ANK3: variants seen among roughly 807,000 people sequenced by gnomAD.
The protein encoded by ANK3 is ankyrin-3.
Under a neutral mutation model 370.9 loss-of-function variants are expected in ANK3, and 57 were observed. The ratio of observed to expected loss-of-function variants is 0.15; its 90% CI spans 0.12 to 0.19. ANK3 has a LOEUF of 0.19. Among genes scored for constraint, ANK3 ranks in the 10% least tolerant of loss-of-function variants. ANK3 has a pLI of 1.00. For missense variants in ANK3, 4,439 were observed against 5,302.1 expected (o/e 0.84, Z 5.06); for synonymous variants, 1,929 against 1,946.3 (o/e 0.99, Z 0.23).
At chr10:60,268,271 A>T (rs1208902631) in intron 5 of ANK3, among the ~76,000 whole-genome samples, 1 of 152,148 alleles carries the variant, frequency 6.6e-6, no homozygotes, top group Admixed American at 6.6e-5. Context: ...AAATTCCCCA[A>T]AGCACTGATG....
At chr10:60,198,581 C>G (rs1187110769) in intron 13 of ANK3, 44 bp from the exon 14 acceptor site, 1 of 1,565,576 alleles carries the variant, frequency 6.4e-7, no homozygotes, top group East Asian at 2.2e-5. Context: ...GCTGAGGAAA[C>G]AATGGTGCCT....
chr10:60,474,179 T>G (rs1196956249), intron 2 of ANK3, among the ~76,000 whole-genome samples: 4 of 152,052 alleles, frequency 2.6e-5, no homozygotes, highest in Admixed American at 1.3e-4. Flanking sequence ...CCAAAGAAAT[T>G]TCAAGCTTGC....
At chr10:60,064,435 G>C (rs1340770346) in intron 38 of ANK3, 147 bp from the exon 39 acceptor site, 1 of 787,826 alleles carries the variant, frequency 1.3e-6, no homozygotes, top group Non-Finnish European at 1.9e-6. Context: ...TTATATACTT[G>C]GCTTCATAGC....
At chr10:60,441,135 T>C (rs569815797) in intron 2 of ANK3, among the ~76,000 whole-genome samples, 6 of 152,324 alleles carry the variant, frequency 3.9e-5, no homozygotes, top group Non-Finnish European at 8.8e-5. Flanking sequence ...TTGCCAGTCA[T>C]GTCTGGGTGG....
intron 1 of ANK3, among the ~76,000 whole-genome samples, chr10:60,650,014 G>C (rs1435555966): frequency 1.3e-5 from 2 of 152,092 alleles, no homozygotes; most frequent in African/African-American, 4.8e-5. Flanking sequence ...GGTCCCTGAG[G>C]GTCTAGAATG....
chr10:60,273,521 C>G (rs1366850697), intron 4 of ANK3, among the ~76,000 whole-genome samples: 1 of 152,136 alleles, frequency 6.6e-6, no homozygotes, highest in Non-Finnish European at 1.5e-5. Context: ...CCCTAGTAAC[C>G]ACTAATGCAC....
intron 1 of ANK3, among the ~76,000 whole-genome samples, chr10:60,368,165 A>G (rs2059639421): frequency 1.3e-5 from 2 of 152,274 alleles, no homozygotes; most frequent in Admixed American, 1.3e-4. Context: ...AGAAGAGCAC[A>G]TTAACTAAAA....
At chr10:60,218,246 C>G (rs1251694220) in intron 8 of ANK3, among the ~76,000 whole-genome samples, 3 of 151,896 alleles carry the variant, frequency 2.0e-5, no homozygotes, top group African/African-American at 7.3e-5. Flanking sequence ...ATTTGCCAGT[C>G]TATGTCTTTT....
intron 8 of ANK3, among the ~76,000 whole-genome samples, chr10:60,217,810 G>A (rs1462800397): frequency 1.3e-5 from 2 of 152,120 alleles, no homozygotes; most frequent in African/African-American, 4.8e-5. Flanking sequence ...GACTATCCTT[G>A]TTAATTTTCT....
At chr10:60,454,008 A>G (rs1461564109) in intron 2 of ANK3, among the ~76,000 whole-genome samples, 3 of 152,226 alleles carry the variant, frequency 2.0e-5, no homozygotes, top group Non-Finnish European at 2.9e-5. Context: ...CAATGAATCA[A>G]ACAGCTGGCA....
In ANK3 at chr10:60,564,469, A is replaced by G. The variant is rs190119460; in HGVS notation, c.96+50717T>C. On this transcript the variant is annotated intron_variant, in intron 2 of 43. Coordinates refer to the ANK3 transcript ENST00000373827. The stretch of plus-strand genomic sequence containing the variant: ...ACACGAGAATGAAAATTATAGGTCA[A>G]TGAAACTGCCGTGTGCTCAAGGTCT... Among the ~76,000 whole-genome samples the G allele has an allele frequency of 5.4e-3, 820 of 152,312 alleles. 5 individuals carry two copies. The highest frequency in any genetic ancestry group is 0.017 in the Middle Eastern group (5 of 294).
chr10:60,081,775 C>G (rs2085325464), intron 35 of ANK3: 1 of 267,364 alleles, frequency 3.7e-6, no homozygotes. Flanking sequence ...TCTCAGTTGA[C>G]TGTTCTCGTC....
chr10:60,505,516 T>C (rs1410264340), intron 2 of ANK3, among the ~76,000 whole-genome samples: 1 of 152,144 alleles, frequency 6.6e-6, no homozygotes, highest in Non-Finnish European at 1.5e-5. Flanking sequence ...TTCTGGAAAT[T>C]ACAAGAGACC....
intron 2 of ANK3, among the ~76,000 whole-genome samples, chr10:60,465,776 CTTTTTT>C (rs1002378251): frequency 1.1e-4 from 15 of 132,888 alleles, no homozygotes; most frequent in African/African-American, 4.2e-4. Context: ...TTTTCTTTTT[CTTTTTT>C]TTCTTTCTTT....
chr10:60,198,408 G>T lies in ANK3; in HGVS notation c.1621C>A (p.Arg541=), dbSNP rs777591939. 1 of 1,614,078 alleles carries T rather than the reference G, an allele frequency of 6.2e-7. No homozygotes were observed. Among genetic ancestry groups the T allele is most frequent in the Non-Finnish European group, 8.5e-7 (1 of 1,180,040 alleles). The change falls in exon 14 of 44, where the codon CGA becomes AGA. Residue 541 remains arginine (R), a synonymous_variant. Coordinates refer to ENST00000280772, the MANE Select transcript of ANK3 (RefSeq NM_020987.5). ...GCGGCCACATCCTCATGCCCCTCTC[G>T]GGCGGAAAGGTGAAGTGGGGTGTAC... ...SGYTPLHLSA[R]EGHEDVAAFL...
chr10:60,123,329 G>A (rs544058948), intron 25 of ANK3, among the ~76,000 whole-genome samples: 13 of 152,168 alleles, frequency 8.5e-5, no homozygotes, highest in South Asian at 2.1e-4. Context: ...TGATATCACC[G>A]TCTCCAAGAG....
intron 2 of ANK3, among the ~76,000 whole-genome samples, chr10:60,414,185 A>G (rs920330796): frequency 1.3e-5 from 2 of 152,154 alleles, no homozygotes; most frequent in Non-Finnish European, 2.9e-5. Context: ...ATTTTAAGTT[A>G]CCAGCATTTA....
intron 28 of ANK3, among the ~76,000 whole-genome samples, chr10:60,091,675 G>A (rs1436874015): frequency 6.6e-6 from 1 of 152,040 alleles, no homozygotes; most frequent in Admixed American, 6.5e-5. Flanking sequence ...ACCTGAGCAA[G>A]ATGCACAGCA....
At chr10:60,654,208 T>C (rs1354531238) in intron 1 of ANK3, among the ~76,000 whole-genome samples, 2 of 152,220 alleles carry the variant, frequency 1.3e-5, no homozygotes, top group Non-Finnish European at 2.9e-5. Flanking sequence ...TTAGTTCTAG[T>C]AGCTTTTATA....
Sources: gnomAD v4.1 joint callset for allele counts (sites outside exome capture counted in the v4.1 genomes callset) on GRCh38, gnomAD v4.1.1 for gene constraint, MANE v1.5 for transcripts, NCBI Gene and HGNC (gene_info 2026-07-23, HGNC 2026-07-21) for gene names.